The following ZXDC variants were observed in gnomAD, a reference collection of about 807,000 sequenced individuals.
ZXDC encodes ZXD family zinc finger C.
In ZXDC, 58 loss-of-function variants were observed where a neutral mutation model predicts 63.6. The observed-to-expected ratio is 0.91, with a 90% CI of 0.74 to 1.13. ZXDC has a LOEUF of 1.13. Among genes scored for constraint, ZXDC ranks in the 50% most tolerant of loss-of-function variants. The pLI, the probability that ZXDC is intolerant of heterozygous loss-of-function variation, is 0.00. For synonymous variants in ZXDC, 561 were observed against 496.1 expected (o/e 1.13, Z -1.74); for missense variants, 1,133 against 1,148.9 (o/e 0.99, Z 0.20).
Position 126,475,740 on chromosome 3 carries a change from C to T in ZXDC, c.126G>A (p.Leu42=). 1 of 1,178,744 alleles carries T rather than the reference C, an allele frequency of 8.5e-7. No homozygotes were observed. The highest frequency in any genetic ancestry group is 4.0e-5 in the South Asian group (1 of 24,976). The allele number at this position is 1,178,744 out of a possible 1,614,324, so 73.0% of individuals were successfully genotyped here. Residue 42 remains leucine (L), a synonymous_variant, in exon 1 of 10, where the codon CTG becomes CTA. Coordinates refer to ENST00000389709, the MANE Select transcript of ZXDC (RefSeq NM_025112.5). ...GASPARRRLL[L]VRGPEDGGPG... The stretch of plus-strand genomic sequence containing the variant: ...GCCCGCCATCTTCAGGGCCCCGCAC[C>T]AGTAGCAGGCGGCGGCGCGCGGGGC...
chr3:126,461,629 C>T lies in ZXDC; in HGVS notation c.2033G>A (p.Ser678Asn). 1 of 1,614,040 alleles carries T rather than the reference C, an allele frequency of 6.2e-7. No homozygotes were observed. Among genetic ancestry groups the T allele is most frequent in the African/African-American group, 1.3e-5 (1 of 74,986 alleles). ...RPGAVGQQEG[S>N]HGLPQSTLPS... ...CAACGTGGACTGGGGCAGCCCATGG[C>T]TTCCTTCCTGCTGCCCAACTGCTCC... Residue 678 changes from serine to asparagine, a missense_variant, in exon 6 of 10, where the codon AGC becomes AAC. By Grantham distance (46) the Ser-to-Asn change is conservative. Coordinates refer to ENST00000389709, the MANE Select transcript of ZXDC (RefSeq NM_025112.5).
At chr3:126,454,939 T>C (rs1354906182) in intron 7 of ZXDC, 9 of 985,466 alleles carry the variant, frequency 9.1e-6, no homozygotes, top group Non-Finnish European at 9.6e-6. Context: ...GGGAAGAGTC[T>C]TGGATTTCAA....
chr3:126,472,207 T>A lies in ZXDC; in HGVS notation c.1006A>T (p.Ser336Cys). 1 of 1,613,608 alleles carries A rather than the reference T, an allele frequency of 6.2e-7. No individual in the cohort carries two copies. The highest frequency in any genetic ancestry group is 8.5e-7 in the Non-Finnish European group (1 of 1,179,486). Residue 336 changes from serine to cysteine, a missense_variant, in exon 2 of 10, where the codon AGC (serine) becomes TGC (cysteine). By Grantham distance (112) the Ser-to-Cys change is moderately radical. Coordinates refer to ENST00000389709, the MANE Select transcript of ZXDC (RefSeq NM_025112.5). Reference protein sequence around the residue: ...ELFSCSFPGCSKQYDKACRLK... With the variant: ...ELFSCSFPGCCKQYDKACRLK... ...CGACAGGCTTTATCATACTGCTTGC[T>A]GCACCCAGGAAAGGAGCAGGAAAAG...
chr3:126,472,308 G>C lies in ZXDC; in HGVS notation c.908-3C>G. On this transcript the variant is annotated splice_region_variant and splice_polypyrimidine_tract_variant and intron_variant, in intron 1 of 9. Coordinates refer to ENST00000389709, the MANE Select transcript of ZXDC (RefSeq NM_025112.5). Reference sequence around the variant, plus strand: ...TGTGATAAATGTCTTCTCACAGCCTGAACAAGGAAAACACAAACCCTGCTC... The same window carrying C: ...TGTGATAAATGTCTTCTCACAGCCTCAACAAGGAAAACACAAACCCTGCTC... 1.2e-6 allele frequency: 2 copies of C among 1,602,348 alleles called. No homozygotes were observed. Among genetic ancestry groups the C allele is most frequent in the Non-Finnish European group, 1.7e-6 (2 of 1,170,464 alleles).
chr3:126,473,743 T>C (rs957673419), intron 1 of ZXDC, among the ~76,000 whole-genome samples: 3 of 152,352 alleles, frequency 2.0e-5, no homozygotes, highest in Middle Eastern at 3.4e-3. Context: ...TAAAAATTCT[T>C]GTTTAAGGAC....
In ZXDC at chr3:126,472,152, C is replaced by A; in HGVS notation, c.1060+1G>T. 6.2e-7 allele frequency: 1 copy of A among 1,609,980 alleles called. No individual in the cohort carries two copies. On this transcript the variant is annotated splice_donor_variant, in intron 2 of 9. Coordinates refer to ENST00000389709, the MANE Select transcript of ZXDC (RefSeq NM_025112.5). LOFTEE classifies it high-confidence loss of function. ...ATGCTGTGCGTTCCCTAGCTCATTA[C>A]CTGTATGGCTCCGCAGGTGAATTTT...
At position 126,475,473 on chromosome 3, in the gene ZXDC, G is replaced by C; in HGVS notation, c.393C>G (p.Ile131Met). The C allele has an allele frequency of 8.2e-7, 1 of 1,212,764 alleles. No homozygotes were observed. The highest frequency in any genetic ancestry group is 1.6e-5 in the African/African-American group (1 of 62,710). The allele number at this position is 1,212,764 out of a possible 1,614,324, so 75.1% of individuals were successfully genotyped here. A position where few individuals can be genotyped will look rare whatever the true frequency, so the allele number is the denominator to read the frequency against. The part of the protein sequence containing the change: ...PGVAPAGAVT[I>M]SSQDLLVRLD... The stretch of plus-strand genomic sequence containing the variant: ...GACGCACCAGCAGGTCCTGGCTGCT[G>C]ATGGTGACGGCGCCCGCCGGGGCTA... Residue 131 changes from isoleucine (I) to methionine (M), a missense_variant, in exon 1 of 10, where the codon ATC (isoleucine) becomes ATG (methionine). Transcript: ENST00000389709.
chr3:126,460,044 C>T, intron 6 of ZXDC: 1 of 985,452 alleles, frequency 1.0e-6, no homozygotes, highest in Non-Finnish European at 1.2e-6. Context: ...TCTCTGCTTT[C>T]TGAAACAAAC....
chr3:126,454,515 C>A lies in ZXDC; in HGVS notation c.2212+5138G>T, dbSNP rs1333461472. ...TATTTTACCCTGTCTTAATCTTAAC[C>A]TTCCCAAATATTTCCATACAGGGTG... On this transcript the variant is annotated intron_variant, in intron 7 of 9. Transcript: ENST00000389709. The A allele has an allele frequency of 5.1e-6, 5 of 985,224 alleles. No individual in the cohort carries two copies. The African/African-American group carries it at 8.7e-5, about 17-fold the overall frequency. The allele number at this position is 985,224 out of a possible 1,614,324, so 61.0% of individuals were successfully genotyped here. A position where few individuals can be genotyped will look rare whatever the true frequency, so the allele number is the denominator to read the frequency against.
At chr3:126,460,428 A>G (rs1293096719) in intron 6 of ZXDC, 5 of 979,412 alleles carry the variant, frequency 5.1e-6, no homozygotes, top group Admixed American at 6.1e-5. Context: ...AGGTAGCCCA[A>G]CGTCACACAG....
intron 4 of ZXDC, among the ~76,000 whole-genome samples, chr3:126,468,942 C>T (rs1560104465): frequency 6.6e-6 from 1 of 152,204 alleles, no homozygotes; most frequent in Non-Finnish European, 1.5e-5. Context: ...GGGCTCTGTC[C>T]TAGGTCCTTT....
At chr3:126,468,034 G>T (rs1000222175) in intron 4 of ZXDC, among the ~76,000 whole-genome samples, 3 of 152,142 alleles carry the variant, frequency 2.0e-5, no homozygotes, top group Non-Finnish European at 4.4e-5. Flanking sequence ...ACTAACTGCT[G>T]GCTTTTCCAA....
chr3:126,454,612 G>A, intron 7 of ZXDC: 1 of 985,366 alleles, frequency 1.0e-6, no homozygotes, highest in Non-Finnish European at 1.2e-6. Context: ...TGAAAGGAGA[G>A]GTGCCCTCAT....
intron 1 of ZXDC, among the ~76,000 whole-genome samples, chr3:126,474,112 T>G (rs1935085872): frequency 6.7e-6 from 1 of 149,208 alleles, no homozygotes; most frequent in Non-Finnish European, 1.5e-5. Context: ...TCGCCCCGGC[T>G]GGAATGCAGT....
intron 7 of ZXDC, among the ~76,000 whole-genome samples, chr3:126,457,949 G>A (rs767659241): frequency 5.9e-5 from 9 of 152,184 alleles, no homozygotes; most frequent in Non-Finnish European, 1.3e-4. Flanking sequence ...TGATCATTAA[G>A]GTCCAGACTG....
chr3:126,452,265 T>C (rs1161644737), intron 7 of ZXDC: 2 of 985,368 alleles, frequency 2.0e-6, no homozygotes, highest in African/African-American at 3.5e-5. Flanking sequence ...TTAGACGTTC[T>C]TGTCCATAGC....
chr3:126,474,064 T>G (rs951168697), intron 1 of ZXDC, among the ~76,000 whole-genome samples: 4 of 118,084 alleles, frequency 3.4e-5, no homozygotes, highest in African/African-American at 8.4e-5. Flanking sequence ...GCAGTGGACT[T>G]TTTTTTTTTT....
At chr3:126,455,729 G>A (rs991925654) in intron 7 of ZXDC, among the ~76,000 whole-genome samples, 1 of 152,196 alleles carries the variant, frequency 6.6e-6, no homozygotes, top group Non-Finnish European at 1.5e-5. Context: ...CGGGCATGGT[G>A]GCTCACGCCT....
intron 6 of ZXDC, chr3:126,461,076 C>G: frequency 1.0e-6 from 1 of 985,454 alleles, no homozygotes; most frequent in South Asian, 4.7e-5. Flanking sequence ...GCTCATAAAC[C>G]CCACCCTTTT....
Sources: allele counts gnomAD v4.1 joint callset (sites outside exome capture counted in the v4.1 genomes callset), GRCh38; gene constraint gnomAD v4.1.1; transcripts MANE v1.5; gene names NCBI Gene and HGNC (gene_info 2026-07-23, HGNC 2026-07-21).